Variants in RSPO2 observed in about 807,000 individuals in gnomAD.
RSPO2 encodes the protein R-spondin 2.
RSPO2 carries 14 observed loss-of-function variants against 30.9 expected under a neutral mutation model. That is an observed-to-expected ratio of 0.45 (90% CI 0.30 to 0.71). The LOEUF is 0.71. Among genes scored for constraint, RSPO2 ranks in the 30% least tolerant of loss-of-function variants. The pLI, the probability that RSPO2 is intolerant of heterozygous loss-of-function variation, is 0.08. For missense variants in RSPO2, 264 were observed against 301.9 expected (o/e 0.87, Z 0.93); for synonymous variants, 107 against 96.4 (o/e 1.11, Z -0.64).
At chr8:108,044,257 G>C (rs1811843127) in intron 2 of RSPO2, among the ~76,000 whole-genome samples, 1 of 151,796 alleles carries the variant, frequency 6.6e-6, no homozygotes, top group Non-Finnish European at 1.5e-5. Flanking sequence ...ATTATTTTAT[G>C]TTCAGGGGAT....
At chr8:108,080,353 ATTTTT>A (rs111813775) in intron 2 of RSPO2, among the ~76,000 whole-genome samples, 1 of 150,106 alleles carries the variant, frequency 6.7e-6, no homozygotes, top group Non-Finnish European at 1.5e-5. Context: ...AAAAAGTTTG[ATTTTT>A]TTTTTACACC....
At chr8:108,005,546 G>A (rs564131163) in intron 2 of RSPO2, among the ~76,000 whole-genome samples, 5 of 151,914 alleles carry the variant, frequency 3.3e-5, no homozygotes, top group South Asian at 2.1e-4. Context: ...TGTTTGTTAC[G>A]TCAAACAAGC....
intron 2 of RSPO2, among the ~76,000 whole-genome samples, chr8:108,057,862 A>C (rs921619292): frequency 9.2e-5 from 14 of 152,294 alleles, no homozygotes; most frequent in South Asian, 2.1e-4. Context: ...TTATCAGCTT[A>C]AGGAGATTTT....
intron 3 of RSPO2, among the ~76,000 whole-genome samples, chr8:107,976,061 A>G (rs1727554901): frequency 6.6e-6 from 1 of 152,214 alleles, no homozygotes; most frequent in South Asian, 2.1e-4. Flanking sequence ...TAACCCATGA[A>G]GTGCCTTCTG....
Position 108,016,255 on chromosome 8 carries a change from C to CA in RSPO2, c.95-27012dup, listed in dbSNP as rs1437267605. ...AAGCTATTAAAGGATATATGCTCCA[C>CA]AAAAACGGAAGTACACAAAAACAGT... is the stretch of plus-strand genomic sequence containing the variant. On this transcript the variant is annotated intron_variant, in intron 2 of 5. Transcript: ENST00000276659. 3.3e-5 allele frequency among the ~76,000 whole-genome samples: 5 copies of CA among 152,244 alleles called. No individual in the cohort carries two copies. The East Asian group carries it at 9.7e-4, about 29-fold the overall frequency.
intron 2 of RSPO2, among the ~76,000 whole-genome samples, chr8:108,064,126 C>G (rs1812575895): frequency 6.6e-6 from 1 of 152,270 alleles, no homozygotes; most frequent in Admixed American, 6.5e-5. Flanking sequence ...TGGGCAAGGA[C>G]TTCATGTCTA....
In RSPO2 at chr8:107,981,310, G is replaced by C. The variant is rs144978922; in HGVS notation, c.283+7746C>G. 6.3e-3 allele frequency among the ~76,000 whole-genome samples: 953 copies of C among 152,212 alleles called. 10 individuals are homozygous for C. Among genetic ancestry groups the C allele is most frequent in the African/African-American group, 0.022 (900 of 41,518 alleles). ...AAGATGGGGGGATTTCCTGAGCTTA[G>C]GAGTTCGAGACTGGCCTGGGCAACA... On this transcript the variant is annotated intron_variant, in intron 3 of 5. Coordinates refer to ENST00000276659, the MANE Select transcript of RSPO2 (RefSeq NM_178565.5).
chr8:107,936,279 T>C (rs1316535148), intron 5 of RSPO2, among the ~76,000 whole-genome samples: 3 of 152,114 alleles, frequency 2.0e-5, no homozygotes, highest in Admixed American at 6.5e-5. Context: ...GATGATTTCA[T>C]TTTTTATAGC....
chr8:107,904,788 G>A (rs569779724), intron 5 of RSPO2, among the ~76,000 whole-genome samples: 1 of 152,140 alleles, frequency 6.6e-6, no homozygotes, highest in African/African-American at 2.4e-5. Context: ...AAAAGTTGTG[G>A]CCCTAGGATG....
chr8:108,048,653 T>G (rs1225946873), intron 2 of RSPO2, among the ~76,000 whole-genome samples: 2 of 152,164 alleles, frequency 1.3e-5, no homozygotes, highest in African/African-American at 2.4e-5. Context: ...AAGGGTTTTT[T>G]GTGTCTCTAT....
intron 4 of RSPO2, among the ~76,000 whole-genome samples, chr8:107,959,622 C>T (rs1813553366): frequency 6.6e-6 from 1 of 152,106 alleles, no homozygotes; most frequent in Non-Finnish European, 1.5e-5. Flanking sequence ...TTATAATATG[C>T]TTATAGTTAA....
chr8:107,918,629 C>G (rs947771486), intron 5 of RSPO2, among the ~76,000 whole-genome samples: 28 of 152,248 alleles, frequency 1.8e-4, no homozygotes, highest in African/African-American at 6.5e-4. Context: ...TTCGAGGATA[C>G]AAACCCATGG....
At chr8:108,067,751 TA>T (rs1280805579) in intron 2 of RSPO2, among the ~76,000 whole-genome samples, 1 of 152,188 alleles carries the variant, frequency 6.6e-6, no homozygotes, top group Non-Finnish European at 1.5e-5. Context: ...TAATGCTCCA[TA>T]AAGAGCACTA....
At chr8:107,915,223 A>T (rs1364555447) in intron 5 of RSPO2, among the ~76,000 whole-genome samples, 1 of 152,194 alleles carries the variant, frequency 6.6e-6, no homozygotes, top group Non-Finnish European at 1.5e-5. Context: ...AATATCCTTA[A>T]ATGTAAAACC....
intron 5 of RSPO2, among the ~76,000 whole-genome samples, chr8:107,924,762 G>T (rs781292274): frequency 6.6e-5 from 10 of 151,646 alleles, no homozygotes; most frequent in African/African-American, 2.2e-4. Context: ...GTCATGCTAG[G>T]ATGTCTGGTT....
chr8:108,052,206 CT>C (rs984914299), intron 2 of RSPO2, among the ~76,000 whole-genome samples: 4 of 152,056 alleles, frequency 2.6e-5, no homozygotes, highest in Non-Finnish European at 5.9e-5. Flanking sequence ...GAACTGATTA[CT>C]TTTTATAAGT....
intron 3 of RSPO2, among the ~76,000 whole-genome samples, chr8:107,966,484 C>A: frequency 6.6e-6 from 1 of 152,118 alleles, no homozygotes; most frequent in Admixed American, 6.6e-5. Context: ...AGAAAGTTAA[C>A]CTTCCTGAAA....
At chr8:108,065,143 A>C (rs1012387161) in intron 2 of RSPO2, among the ~76,000 whole-genome samples, 1 of 152,012 alleles carries the variant, frequency 6.6e-6, no homozygotes, top group African/African-American at 2.4e-5. Context: ...CGCATTGTGC[A>C]CATGTACCCT....
chr8:107,995,283 G>C (rs536077562), intron 2 of RSPO2, among the ~76,000 whole-genome samples: 1 of 152,154 alleles, frequency 6.6e-6, no homozygotes, highest in Admixed American at 6.6e-5. Flanking sequence ...TTGTTGGGGG[G>C]CAGAGCTAGG....
Sources: gnomAD v4.1 joint callset for allele counts (sites outside exome capture counted in the v4.1 genomes callset) on GRCh38, gnomAD v4.1.1 for gene constraint, MANE v1.5 for transcripts, NCBI Gene and HGNC (gene_info 2026-07-23, HGNC 2026-07-21) for gene names.